The following SMG6 variants were observed in gnomAD, a reference collection of about 807,000 sequenced individuals.
SMG6 encodes the protein SMG6 nonsense mediated mRNA decay factor.
SMG6 carries 66 observed loss-of-function variants against 142.2 expected under a neutral mutation model. That is an observed-to-expected ratio of 0.46 (90% confidence interval 0.38 to 0.57). SMG6 has a LOEUF of 0.57. Among genes scored for constraint, SMG6 ranks in the 20% least tolerant of loss-of-function variants. The probability of loss-of-function intolerance (pLI) is 0.00; values close to 1 mark genes in which losing one functional copy is unlikely to be tolerated. For missense variants in SMG6, 1,793 were observed against 1,832.0 expected, an observed-to-expected ratio of 0.98 and a Z score of 0.39; for synonymous variants, 779 against 702.4, an observed-to-expected ratio of 1.11 and a Z score of -1.72.
At chr17:2,277,172 ATTTTTTTTT>A (rs764360988) in intron 8 of SMG6, among the ~76,000 whole-genome samples, 4 of 50,280 alleles carry the variant, frequency 8.0e-5, no homozygotes, top group Non-Finnish European at 1.9e-4. Context: ...TTTATTTTTT[ATTTTTTTTT>A]TTTTTGAGAC....
In SMG6 at chr17:2,186,748, G is replaced by A. The variant is rs1393295695; in HGVS notation, c.3070C>T (p.Pro1024Ser). The A allele has an allele frequency of 1.9e-6, 3 of 1,614,216 alleles. No homozygotes were observed. The highest frequency in any genetic ancestry group is 2.5e-6 in the Non-Finnish European group (3 of 1,180,038). Reference protein sequence around the residue: ...SFVPDLKELLPSVKVWSDWML... With the variant: ...SFVPDLKELLSSVKVWSDWML... ...CAATCTGACCAGACTTTGACACTGG[G>A]GAGCAGCTCCTTCAGGTCCGGGACA... is the stretch of plus-strand genomic sequence containing the variant. The change falls in exon 12 of 19, where the codon CCC becomes TCC. Residue 1024 changes from proline (P) to serine (S), a missense_variant. Pro to Ser is a moderately conservative substitution (Grantham distance 74). Transcript: ENST00000263073.
chr17:2,076,209 A>C (rs2068253584), intron 15 of SMG6, among the ~76,000 whole-genome samples: 2 of 152,040 alleles, frequency 1.3e-5, no homozygotes, highest in Admixed American at 1.3e-4. Context: ...GGCGCTGGGA[A>C]CGGGGACTTG....
intron 13 of SMG6, among the ~76,000 whole-genome samples, chr17:2,161,170 C>T (rs1471962915): frequency 6.7e-6 from 1 of 148,744 alleles, no homozygotes; most frequent in Non-Finnish European, 1.5e-5. Context: ...TGCAGGGGCG[C>T]GATCTTGGCT....
chr17:2,165,470 C>A (rs2071308289), intron 13 of SMG6, among the ~76,000 whole-genome samples: 1 of 152,196 alleles, frequency 6.6e-6, no homozygotes, highest in Admixed American at 6.5e-5. Flanking sequence ...TGCCTGGGAC[C>A]AGAAGTGTTT....
chr17:2,239,396 G>A (rs1049753723), intron 9 of SMG6, among the ~76,000 whole-genome samples: 2 of 152,120 alleles, frequency 1.3e-5, no homozygotes, highest in African/African-American at 4.8e-5. Context: ...ACAAAAAGTG[G>A]TCATTTATAA....
intron 17 of SMG6, 90 bp downstream of exon 17, chr17:2,065,378 A>T (rs2067911700): frequency 1.5e-6 from 2 of 1,339,814 alleles, no homozygotes; most frequent in Admixed American, 3.8e-5. Flanking sequence ...TCAGCTGCCC[A>T]GGCTGATGGG....
At chr17:2,184,484 C>T (rs1170076538) in intron 12 of SMG6, among the ~76,000 whole-genome samples, 1 of 150,730 alleles carries the variant, frequency 6.6e-6, no homozygotes, top group Non-Finnish European at 1.5e-5. Context: ...ATAGTGAAAC[C>T]TCATCTCTAC....
Position 2,303,713 on chromosome 17 carries a change from T to A in SMG6, c.8A>T (p.Glu3Val), listed in dbSNP as rs1307108235. Residue 3 changes from glutamate (E) to valine (V), a missense_variant, in exon 1 of 19, where the codon GAA becomes GTA. By Grantham distance (121) the Glu-to-Val change is moderately radical. Around this residue, in one of 3 missense-constraint regions of SMG6, gnomAD observed 1,597 missense variants for 1,584.6 expected, o/e 1.01. Coordinates refer to ENST00000263073, the MANE Select transcript of SMG6 (RefSeq NM_017575.5). MA[E>V]GLERVRISAS... ...GGAGATCCGCACACGCTCCAGCCCTTCCGCCATCTTCGCGGCTGCTGCTAC... is the reference window on the plus strand; with the variant it reads ...GGAGATCCGCACACGCTCCAGCCCTACCGCCATCTTCGCGGCTGCTGCTAC... 2 of 1,492,408 alleles carry A rather than the reference T, an allele frequency of 1.3e-6. No individual in the cohort carries two copies. The highest frequency in any genetic ancestry group is 2.2e-5 in the Admixed American group (1 of 45,048). 92.4% of individuals were successfully genotyped at this position (1,492,408 alleles called of 1,614,324 possible).
chr17:2,072,779 T>C (rs2151405453), intron 15 of SMG6: 1 of 152,282 alleles, frequency 6.6e-6, no homozygotes, highest in African/African-American at 2.4e-5. Context: ...GCTGCTTCCT[T>C]CCCTCTACAG....
chr17:2,292,888 A>G lies in SMG6; in HGVS notation c.2241T>C (p.Asn747=). 6.2e-7 allele frequency: 1 copy of G among 1,613,986 alleles called. No individual in the cohort carries two copies. Among genetic ancestry groups the G allele is most frequent in the Non-Finnish European group, 8.5e-7 (1 of 1,179,874 alleles). Residue 747 remains asparagine, a synonymous_variant, in exon 5 of 19, where the codon AAT becomes AAC. Coordinates refer to ENST00000263073, the MANE Select transcript of SMG6 (RefSeq NM_017575.5). ...AAAAGTACCTGCGTGCTTTCCCATA[A>G]TTCGCTGTATCACTGGCTTGCTCCC... ...RYREQASDTA[N]YGKARSWYLK...
intron 9 of SMG6, among the ~76,000 whole-genome samples, chr17:2,238,588 C>T (rs113141016): frequency 7.2e-5 from 11 of 152,304 alleles, no homozygotes; most frequent in African/African-American, 2.4e-4. Flanking sequence ...GAAAAGCAGC[C>T]ACGCTGGGCA....
At chr17:2,162,231 G>A (rs775047826) in intron 13 of SMG6, among the ~76,000 whole-genome samples, 4 of 152,048 alleles carry the variant, frequency 2.6e-5, no homozygotes, top group Admixed American at 6.6e-5. Context: ...AGCAAAAATT[G>A]GCCAGGCGAG....
In SMG6 at chr17:2,086,037, G is replaced by T. The variant is rs550709826; in HGVS notation, c.3358-136C>A. ...GCAAGGGGGTCAGAATGAATGACGG[G>T]GTGCGGAGGGCACAAGGGCATGTCA... On this transcript the variant is annotated intron_variant, in intron 13 of 18. Transcript: ENST00000263073. The T allele has an allele frequency of 1.5e-5, 13 of 868,884 alleles. No individual in the cohort carries two copies. The East Asian group carries it at 2.2e-4, about 15-fold the overall frequency. The allele number at this position is 868,884 out of a possible 1,614,324, so 53.8% of individuals were successfully genotyped here.
chr17:2,257,632 C>T (rs2074213872), intron 8 of SMG6, among the ~76,000 whole-genome samples: 1 of 152,066 alleles, frequency 6.6e-6, no homozygotes, highest in Non-Finnish European at 1.5e-5. Flanking sequence ...ACTCCACTAC[C>T]TCCTTCTGCT....
In SMG6 at chr17:2,081,834, C is replaced by A. The variant is rs768254657; in HGVS notation, c.3657G>T (p.Gln1219His). 5.0e-6 allele frequency: 8 copies of A among 1,613,738 alleles called. No homozygotes were observed. Among genetic ancestry groups the A allele is most frequent in the African/African-American group, 1.3e-5 (1 of 74,948 alleles). Reference protein sequence around the residue: ...KLALARKIAEQQRRQEKIQAV... With the variant: ...KLALARKIAEHQRRQEKIQAV... The stretch of plus-strand genomic sequence containing the variant: ...CCTGGATCTTTTCCTGGCGACGCTG[C>A]TGCTCAGCTATCTTCCTGGCCAGAG... The change falls in exon 15 of 19, where the codon CAG becomes CAT. Residue 1219 changes from glutamine to histidine, a missense_variant. Physicochemically the swap from Gln to His is conservative, Grantham distance 24. Around this residue, in one of 3 missense-constraint regions of SMG6, gnomAD observed 1,597 missense variants for 1,584.6 expected, o/e 1.01. Coordinates refer to ENST00000263073, the MANE Select transcript of SMG6 (RefSeq NM_017575.5).
chr17:2,222,188 G>A (rs947053914), intron 10 of SMG6, among the ~76,000 whole-genome samples: 7 of 152,092 alleles, frequency 4.6e-5, no homozygotes, highest in African/African-American at 1.7e-4. Context: ...CAGAATAGTA[G>A]AGGAAAATAA....
chr17:2,112,571 A>AT lies in SMG6; in HGVS notation c.3358-26671_3358-26670insA, dbSNP rs2069370254. Among the ~76,000 whole-genome samples the AT allele has an allele frequency of 6.1e-5, 9 of 146,422 alleles. No homozygotes were observed. In the South Asian group the frequency reaches 1.1e-3, roughly 17 times the overall value. ...AATAAATAAATAAATAAATAAATAA[A>AT]AGGCAATGGTCTGTTCCAAGTTCTT... On this transcript the variant is annotated intron_variant, in intron 13 of 18. Coordinates refer to ENST00000263073, the MANE Select transcript of SMG6 (RefSeq NM_017575.5).
chr17:2,253,119 T>TTTTATTTATTTATTTATTTATTTA (rs10528623), intron 8 of SMG6, among the ~76,000 whole-genome samples: 7 of 130,652 alleles, frequency 5.4e-5, no homozygotes, highest in Non-Finnish European at 9.6e-5. Context: ...AAATATTTTA[T>TTTTATTTATTTATTTATTTATTTA]TTTATTTATT....
At chr17:2,227,426 T>A (rs902579315) in intron 10 of SMG6, among the ~76,000 whole-genome samples, 4 of 152,082 alleles carry the variant, frequency 2.6e-5, no homozygotes, top group African/African-American at 9.7e-5. Flanking sequence ...CATGAATAAA[T>A]CTAAAAATTA....
Sources: gnomAD v4.1 joint callset for allele counts (sites outside exome capture counted in the v4.1 genomes callset) on GRCh38, gnomAD v4.1.1 for gene constraint, gnomAD v4.1.1 regional missense constraint, MANE v1.5 for transcripts, NCBI Gene and HGNC (gene_info 2026-07-23, HGNC 2026-07-21) for gene names.